Variants in FGD4 observed in about 807,000 individuals in gnomAD.
The protein encoded by FGD4 is FYVE, RhoGEF and PH domain-containing protein 4.
A neutral mutation model predicts 102.0 loss-of-function variants in FGD4; 42 were observed. The observed-to-expected ratio is 0.41, with a 90% CI of 0.32 to 0.53. The LOEUF (loss-of-function observed/expected upper bound fraction) is 0.53. Ranked by LOEUF, FGD4 falls within the 20% of genes least tolerant of loss-of-function variation. The pLI is 0.21. For synonymous variants in FGD4, 380 were observed against 375.7 expected (o/e 1.01, Z -0.13); for missense variants, 902 against 1,078.2 (o/e 0.84, Z 2.29).
intron 1 of FGD4, among the ~76,000 whole-genome samples, chr12:32,545,699 T>C (rs529954455): frequency 6.6e-6 from 1 of 152,362 alleles, no homozygotes; most frequent in South Asian, 2.1e-4. Context: ...AAGATGTTAC[T>C]GGTCCCACGT....
intron 1 of FGD4, among the ~76,000 whole-genome samples, chr12:32,445,090 C>T (rs75771467): frequency 0.038 from 5,799 of 152,044 alleles, 172 homozygotes; most frequent in South Asian, 0.12. Flanking sequence ...ATGAATTAAC[C>T]GTGAAAGAAT....
intron 1 of FGD4, among the ~76,000 whole-genome samples, chr12:32,553,673 T>C (rs1325546496): frequency 6.6e-6 from 1 of 152,212 alleles, no homozygotes; most frequent in African/African-American, 2.4e-5. Context: ...ACCTTTGAAC[T>C]CAAAAGATCT....
intron 1 of FGD4, among the ~76,000 whole-genome samples, chr12:32,417,580 C>T (rs1941468783): frequency 6.6e-6 from 1 of 151,948 alleles, no homozygotes; most frequent in Non-Finnish European, 1.5e-5. Flanking sequence ...GCCTCAGCCT[C>T]CTGAGTATCT....
chr12:32,603,130 T>G (rs1948533524), intron 7 of FGD4, among the ~76,000 whole-genome samples: 1 of 152,206 alleles, frequency 6.6e-6, no homozygotes. Flanking sequence ...TATATTAAGT[T>G]TTTATATGTT....
chr12:32,494,842 C>G (rs565355667), intron 1 of FGD4, among the ~76,000 whole-genome samples: 1 of 152,312 alleles, frequency 6.6e-6, no homozygotes, highest in East Asian at 1.9e-4. Flanking sequence ...AGTGCTTGGT[C>G]TGACAGATGT....
At chr12:32,406,942 A>G (rs1330233971) in intron 1 of FGD4, among the ~76,000 whole-genome samples, 2 of 151,158 alleles carry the variant, frequency 1.3e-5, no homozygotes, top group Non-Finnish European at 2.9e-5. Flanking sequence ...CCTCCCAAGT[A>G]GCTGGTATTA....
At chr12:32,403,675 C>T (rs796389033) in intron 1 of FGD4, among the ~76,000 whole-genome samples, 101 of 143,226 alleles carry the variant, frequency 7.1e-4, no homozygotes, top group African/African-American at 2.6e-3. Flanking sequence ...TGGCTCACTG[C>T]AACCTCCGCC....
intron 1 of FGD4, among the ~76,000 whole-genome samples, chr12:32,515,954 A>C (rs981577069): frequency 6.6e-6 from 1 of 152,226 alleles, no homozygotes; most frequent in African/African-American, 2.4e-5. Context: ...CAAACGTGAC[A>C]ATCGTATTGA....
intron 1 of FGD4, among the ~76,000 whole-genome samples, chr12:32,448,622 A>T (rs1273864967): frequency 1.3e-5 from 2 of 150,728 alleles, no homozygotes; most frequent in Admixed American, 1.3e-4. Context: ...GCGCCACGGC[A>T]CTCCAGCCTG....
intron 1 of FGD4, among the ~76,000 whole-genome samples, chr12:32,531,253 T>TA (rs1941791693): frequency 6.6e-6 from 1 of 152,030 alleles, no homozygotes; most frequent in Non-Finnish European, 1.5e-5. Flanking sequence ...CCGGCCCTCC[T>TA]AGCCTCTTTT....
intron 1 of FGD4, among the ~76,000 whole-genome samples, chr12:32,500,352 C>A (rs1295366680): frequency 6.6e-6 from 1 of 151,934 alleles, no homozygotes. Flanking sequence ...AGAAACATTT[C>A]CCCTTTGCCA....
chr12:32,581,139 A>G (rs1946587497), intron 3 of FGD4, among the ~76,000 whole-genome samples: 1 of 152,226 alleles, frequency 6.6e-6, no homozygotes, highest in African/African-American at 2.4e-5. Flanking sequence ...GTTTTAGGAG[A>G]GATTGTCCTA....
chr12:32,414,286 T>A lies in FGD4; in HGVS notation c.166+14327T>A, dbSNP rs180910673. Among the ~76,000 whole-genome samples, 1,363 of 152,212 alleles carry A rather than the reference T, an allele frequency of 9.0e-3. 10 individuals are homozygous for A. The highest frequency in any genetic ancestry group is 0.03 in the African/African-American group (1,229 of 41,528). ...CGCACCCAGCCTACTTCTTTTTTTT[T>A]TAAAAAATTATTTATTTATTTTTGT... is the stretch of plus-strand genomic sequence containing the variant. On this transcript the variant is annotated intron_variant, in intron 1 of 16. Coordinates refer to ENST00000534526, the MANE Select transcript of FGD4 (RefSeq NM_001370298.3).
intron 1 of FGD4, among the ~76,000 whole-genome samples, chr12:32,559,703 A>G (rs1944389819): frequency 6.6e-6 from 1 of 152,202 alleles, no homozygotes; most frequent in South Asian, 2.1e-4. Context: ...GAAACCTACC[A>G]TACCCTGAAA....
At chr12:32,628,136 T>C (rs1199116395) in intron 14 of FGD4, among the ~76,000 whole-genome samples, 2 of 152,110 alleles carry the variant, frequency 1.3e-5, no homozygotes, top group Non-Finnish European at 2.9e-5. Flanking sequence ...ATGTAAATGT[T>C]GAAGTCCACA....
At chr12:32,540,304 T>A (rs2136123793) in intron 1 of FGD4, among the ~76,000 whole-genome samples, 1 of 152,332 alleles carries the variant, frequency 6.6e-6, no homozygotes, top group East Asian at 1.9e-4. Flanking sequence ...AACAACTGTT[T>A]CATTGATTCA....
At chr12:32,514,596 C>T (rs1411631617) in intron 1 of FGD4, among the ~76,000 whole-genome samples, 2 of 152,166 alleles carry the variant, frequency 1.3e-5, no homozygotes, top group African/African-American at 4.8e-5. Context: ...ACTGCAGCCT[C>T]GAACTTCTGG....
intron 1 of FGD4, among the ~76,000 whole-genome samples, chr12:32,561,511 TA>T (rs542095355): frequency 4.7e-4 from 72 of 152,324 alleles, no homozygotes; most frequent in African/African-American, 1.6e-3. Context: ...AATTAAGGCT[TA>T]AAAAAATCTC....
intron 1 of FGD4, among the ~76,000 whole-genome samples, chr12:32,486,753 C>T (rs1440816195): frequency 6.6e-6 from 1 of 152,110 alleles, no homozygotes; most frequent in Non-Finnish European, 1.5e-5. Context: ...CTAGGTACTT[C>T]TATCATTGTG....
Sources: gnomAD v4.1 joint callset for allele counts (sites outside exome capture counted in the v4.1 genomes callset) on GRCh38, gnomAD v4.1.1 for gene constraint, MANE v1.5 for transcripts, NCBI Gene and HGNC (gene_info 2026-07-23, HGNC 2026-07-21) for gene names.